The following MAT2B variants were observed in gnomAD, a reference collection of about 807,000 sequenced individuals.
MAT2B encodes the protein methionine adenosyltransferase 2 non-catalytic beta subunit.
MAT2B carries 16 observed loss-of-function variants against 36.1 expected under a neutral mutation model. That is an observed-to-expected ratio of 0.44 (90% CI 0.30 to 0.67). The LOEUF (loss-of-function observed/expected upper bound fraction) is 0.67. Ranked by LOEUF, MAT2B falls within the 30% of genes least tolerant of loss-of-function variation. The probability of loss-of-function intolerance (pLI) is 0.09; values close to 1 mark genes in which losing one functional copy is unlikely to be tolerated. For missense variants in MAT2B, 332 were observed against 398.2 expected, an observed-to-expected ratio of 0.83 and a Z score of 1.42; for synonymous variants, 148 against 136.9, an observed-to-expected ratio of 1.08 and a Z score of -0.57.
chr5:163,515,663 CATG>C (rs1760118593), intron 4 of MAT2B, among the ~76,000 whole-genome samples: 1 of 149,032 alleles, frequency 6.7e-6, no homozygotes, highest in Non-Finnish European at 1.5e-5. Context: ...ATTCAGTTGT[CATG>C]ATAAGTTTTA....
upstream of MAT2B, among the ~76,000 whole-genome samples, chr5:163,504,809 G>A (rs1006486340): frequency 6.6e-6 from 1 of 152,186 alleles, no homozygotes; most frequent in East Asian, 1.9e-4. Flanking sequence ...CTTACACGCT[G>A]CTGCTTAAAT....
chr5:163,509,879 G>C lies in MAT2B; in HGVS notation c.64-2123G>C. Among the ~76,000 whole-genome samples, 2 of 152,144 alleles carry C rather than the reference G, an allele frequency of 1.3e-5. 1 individual carries two copies. The highest frequency in any genetic ancestry group is 4.8e-5 in the African/African-American group (2 of 41,426). On this transcript the variant is annotated intron_variant, in intron 1 of 6. Transcript: ENST00000321757. Reference sequence around the variant, plus strand: ...TTTGCAACACAGCCTGAATGAAATTGCTTTCAACTTTTAAAATGTCTTGAA... The same window carrying C: ...TTTGCAACACAGCCTGAATGAAATTCCTTTCAACTTTTAAAATGTCTTGAA...
upstream of MAT2B, chr5:163,503,336 A>G (rs557882129): frequency 3.5e-5 from 54 of 1,539,706 alleles, no homozygotes; most frequent in African/African-American, 5.9e-4. Flanking sequence ...AGACCCAGCA[A>G]GAGAAGGCAG....
chr5:163,511,848 G>A (rs1286668570), intron 1 of MAT2B, among the ~76,000 whole-genome samples, 154 bp from the exon 2 acceptor site: 7 of 152,102 alleles, frequency 4.6e-5, no homozygotes, highest in Admixed American at 3.3e-4. Context: ...CCTGATGCCC[G>A]ACCCTAACTT....
chr5:163,507,266 T>C (rs1398263778), intron 1 of MAT2B, among the ~76,000 whole-genome samples: 2 of 152,224 alleles, frequency 1.3e-5, no homozygotes, highest in African/African-American at 4.8e-5. Context: ...TGTGCTAAAG[T>C]AGAAATCACT....
In MAT2B at chr5:163,519,003, A is replaced by T. The variant is rs1484708881; in HGVS notation, c.*640A>T. On this transcript the variant is annotated 3_prime_UTR_variant, in exon 7 of 7. Transcript: ENST00000321757. The stretch of plus-strand genomic sequence containing the variant: ...AGGCAAACATTGAATGCAAACGTGT[A>T]TTTTTTTAATATAAATATATAACTG... 1 of 152,346 alleles carries T rather than the reference A, an allele frequency of 6.6e-6. No individual in the cohort carries two copies. The highest frequency in any genetic ancestry group is 1.9e-4 in the East Asian group (1 of 5,176). 9.4% of individuals were successfully genotyped at this position (152,346 alleles called of 1,614,324 possible). A position where few individuals can be genotyped will look rare whatever the true frequency, so the allele number is the denominator to read the frequency against.
At chr5:163,516,450 C>G (rs1230550981) in intron 4 of MAT2B, 68 bp from the exon 5 acceptor site, 5 of 1,298,874 alleles carry the variant, frequency 3.8e-6, no homozygotes, top group Non-Finnish European at 5.5e-6. Context: ...TAAATCCACA[C>G]CCTTGTATCT....
chr5:163,516,617 A>G lies in MAT2B; in HGVS notation c.626A>G (p.Lys209Arg). 4 of 1,614,216 alleles carry G rather than the reference A, an allele frequency of 2.5e-6. No individual in the cohort carries two copies. Among genetic ancestry groups the G allele is most frequent in the South Asian group, 1.1e-5 (1 of 91,084 alleles). Residue 209 changes from lysine (K) to arginine (R), a missense_variant, in exon 5 of 7, where the codon AAG (lysine) becomes AGG (arginine). Transcript: ENST00000321757. ...TTTGATAAAGTGCAGTTCAGCAACA[A>G]GTCAGCAAACATGGATCACTGGCAG... ...VMFDKVQFSN[K>R]SANMDHWQQR...
chr5:163,516,795 G>A, intron 5 of MAT2B, 84 bp downstream of exon 5: 2 of 1,470,710 alleles, frequency 1.4e-6, no homozygotes, highest in Non-Finnish European at 1.9e-6. Flanking sequence ...TACTTGGAGT[G>A]TTACTGAGTG....
At chr5:163,504,671 C>CT (rs1201146171), upstream of MAT2B, among the ~76,000 whole-genome samples, 1 of 152,226 alleles carries the variant, frequency 6.6e-6, no homozygotes, top group African/African-American at 2.4e-5. Flanking sequence ...CCAGGGTTTA[C>CT]TTTCTGCATC....
Position 163,512,794 on chromosome 5 carries a change from C to G in MAT2B, c.258+598C>G, listed in dbSNP as rs547813421. ...TCCCAGGGTTCAAGCAATTCTCCTG[C>G]CTAAGCTTCCTGAGTACCTGAGACT... On this transcript the variant is annotated intron_variant, in intron 2 of 6. Transcript: ENST00000321757. 7 of 405,754 alleles carry G rather than the reference C, an allele frequency of 1.7e-5. 1 individual carries two copies. Among genetic ancestry groups the G allele is most frequent in the South Asian group, 1.0e-4 (6 of 57,412 alleles). 25.1% of individuals were successfully genotyped at this position (405,754 alleles called of 1,614,324 possible).
At chr5:163,508,150 A>C (rs1299738249) in intron 1 of MAT2B, among the ~76,000 whole-genome samples, 1 of 152,236 alleles carries the variant, frequency 6.6e-6, no homozygotes, top group African/African-American at 2.4e-5. Context: ...TTCTGGTTCC[A>C]GCTTTTTCTC....
At chr5:163,517,496 G>C in intron 5 of MAT2B, 65 bp from the exon 6 acceptor site, 1 of 937,626 alleles carries the variant, frequency 1.1e-6, no homozygotes, top group Non-Finnish European at 1.7e-6. Context: ...AAGCTTTTTG[G>C]TCAAACCTAT....
At chr5:163,516,847 A>T in intron 5 of MAT2B, 136 bp downstream of exon 5, 1 of 750,306 alleles carries the variant, frequency 1.3e-6, no homozygotes. Flanking sequence ...ACCAAACAAA[A>T]GTAGTTTACA....
At chr5:163,511,074 T>A (rs956725131) in intron 1 of MAT2B, among the ~76,000 whole-genome samples, 12 of 152,190 alleles carry the variant, frequency 7.9e-5, no homozygotes, top group African/African-American at 2.9e-4. Context: ...AACTGAAGAA[T>A]GTAATGTTGT....
intron 2 of MAT2B, 79 bp from the exon 3 acceptor site, chr5:163,513,476 T>A: frequency 1.3e-6 from 1 of 750,468 alleles, no homozygotes; most frequent in Non-Finnish European, 2.3e-6. Context: ...CACATTTTTC[T>A]CTGAATTAAC....
intron 1 of MAT2B, among the ~76,000 whole-genome samples, chr5:163,507,784 A>G (rs1018365471): frequency 3.9e-5 from 6 of 152,238 alleles, no homozygotes; most frequent in African/African-American, 1.2e-4. Flanking sequence ...TTGCTTATAT[A>G]GAAGCTCAAA....
chr5:163,508,156 T>G (rs994613334), intron 1 of MAT2B, among the ~76,000 whole-genome samples: 2 of 152,232 alleles, frequency 1.3e-5, no homozygotes, highest in East Asian at 3.9e-4. Flanking sequence ...TTCCAGCTTT[T>G]TCTCTTTTAC....
chr5:163,506,669 G>A (rs1184844525), intron 1 of MAT2B, among the ~76,000 whole-genome samples: 2 of 152,184 alleles, frequency 1.3e-5, no homozygotes, highest in African/African-American at 2.4e-5. Flanking sequence ...GGTAAAGTTA[G>A]GATAAATGGT....
Sources: allele counts gnomAD v4.1 joint callset (sites outside exome capture counted in the v4.1 genomes callset), GRCh38; gene constraint gnomAD v4.1.1; transcripts MANE v1.5; gene names NCBI Gene and HGNC (gene_info 2026-07-23, HGNC 2026-07-21).